The following ULK4 variants were observed in gnomAD, a reference collection of about 807,000 sequenced individuals.
ULK4 encodes inactive serine/threonine-protein kinase ULK4.
Under a neutral mutation model 160.6 loss-of-function variants are expected in ULK4, and 133 were observed. The observed-to-expected ratio is 0.83, with a 90% CI of 0.72 to 0.96. The LOEUF (loss-of-function observed/expected upper bound fraction) is 0.96, where lower values mean the gene tolerates loss of function less well. Ranked by LOEUF, ULK4 falls within the 40% of genes least tolerant of loss-of-function variation. ULK4 has a pLI of 0.00. For missense variants in ULK4, 1,580 were observed against 1,499.5 expected (o/e 1.05, Z -0.89); for synonymous variants, 534 against 539.8 (o/e 0.99, Z 0.15).
Position 41,915,879 on chromosome 3 carries a change from G to A in ULK4, c.803+98C>T, listed in dbSNP as rs1339513885. The A allele has an allele frequency of 2.0e-5, 16 of 803,118 alleles. No homozygotes were observed. In the East Asian group the frequency reaches 4.4e-4, roughly 22 times the overall value. 49.7% of individuals were successfully genotyped at this position (803,118 alleles called of 1,614,324 possible). ...CCATTTTAGAAGTACATAAAAGGGG[G>A]AAAAGATTTCATTATTTATTCCCAT... On this transcript the variant is annotated intron_variant, in intron 8 of 36. Transcript: ENST00000301831.
intron 30 of ULK4, among the ~76,000 whole-genome samples, chr3:41,657,232 A>C (rs1161523118): frequency 6.6e-6 from 1 of 152,214 alleles, no homozygotes; most frequent in Admixed American, 6.5e-5. Context: ...AATATGACTA[A>C]GTTTTGAGGG....
chr3:41,628,766 C>T (rs1472447695), intron 30 of ULK4, among the ~76,000 whole-genome samples: 2 of 152,098 alleles, frequency 1.3e-5, no homozygotes, highest in Admixed American at 1.3e-4. Context: ...TAACTGATAA[C>T]CGTTCTATGG....
Position 41,332,456 on chromosome 3 carries a change from T to C in ULK4, c.3678+65623A>G, listed in dbSNP as rs538003980. 5.9e-5 allele frequency among the ~76,000 whole-genome samples: 9 copies of C among 152,312 alleles called. No individual in the cohort carries two copies. The East Asian group carries it at 1.7e-3, about 29-fold the overall frequency. ...TATTTTCAGCTTCCCACCTTCCCAATGGCAGTCTTGATGGGAAGCTAGAAA... is the reference window on the plus strand; with the variant it reads ...TATTTTCAGCTTCCCACCTTCCCAACGGCAGTCTTGATGGGAAGCTAGAAA... On this transcript the variant is annotated intron_variant, in intron 35 of 36. Coordinates refer to ENST00000301831, the MANE Select transcript of ULK4 (RefSeq NM_017886.4).
chr3:41,876,040 T>C (rs908266080), intron 17 of ULK4, among the ~76,000 whole-genome samples: 1 of 150,118 alleles, frequency 6.7e-6, no homozygotes, highest in Non-Finnish European at 1.5e-5. Context: ...AGGAAATGTG[T>C]GGACTAGAGG....
chr3:41,493,886 T>C (rs1018604647), intron 32 of ULK4, among the ~76,000 whole-genome samples: 55 of 147,840 alleles, frequency 3.7e-4, no homozygotes, highest in Admixed American at 3.3e-3. Context: ...CAGGAAGAAG[T>C]TGAATCTCTG....
intron 31 of ULK4, among the ~76,000 whole-genome samples, chr3:41,602,191 C>T (rs2032110318): frequency 6.8e-6 from 1 of 146,060 alleles, no homozygotes; most frequent in Admixed American, 7.1e-5. Context: ...AAGACTCTGT[C>T]TGTAAGAAAG....
At chr3:41,895,076 C>T (rs1179815875) in intron 16 of ULK4, among the ~76,000 whole-genome samples, 2 of 152,104 alleles carry the variant, frequency 1.3e-5, no homozygotes, top group African/African-American at 4.8e-5. Flanking sequence ...AATTAATACA[C>T]AGGGATCAGG....
chr3:41,352,788 C>T (rs12635573), intron 35 of ULK4, among the ~76,000 whole-genome samples: 5,976 of 152,218 alleles, frequency 0.039, 312 homozygotes, highest in East Asian at 0.19. Flanking sequence ...CAGGAGAGTG[C>T]GTGGCTTGCA....
At chr3:41,363,926 C>CTTT in intron 35 of ULK4, among the ~76,000 whole-genome samples, 1 of 133,958 alleles carries the variant, frequency 7.5e-6, no homozygotes, top group East Asian at 2.0e-4. Context: ...CATCCAAATT[C>CTTT]TCTCTCTTTT....
chr3:41,819,631 T>G, intron 18 of ULK4, 125 bp from the exon 19 acceptor site: 1 of 711,614 alleles, frequency 1.4e-6, no homozygotes, highest in South Asian at 2.2e-5. Context: ...ATTTAAAGTA[T>G]TACTTACTAT....
chr3:41,715,707 G>A, intron 23 of ULK4, 139 bp from the exon 24 acceptor site: 3 of 1,115,108 alleles, frequency 2.7e-6, no homozygotes, highest in African/African-American at 3.2e-5. Flanking sequence ...TTATTCACAA[G>A]TACTGAAATT....
chr3:41,623,446 C>G (rs549548251), intron 30 of ULK4, among the ~76,000 whole-genome samples: 1 of 152,038 alleles, frequency 6.6e-6, no homozygotes, highest in Non-Finnish European at 1.5e-5. Flanking sequence ...CCATAATAGA[C>G]AAGATACGGA....
chr3:41,439,110 CAGA>C (rs775424455), intron 34 of ULK4, among the ~76,000 whole-genome samples: 3 of 152,026 alleles, frequency 2.0e-5, no homozygotes, highest in African/African-American at 2.4e-5. Flanking sequence ...CAAAAGGAGA[CAGA>C]AGAAGCTTTT....
intron 34 of ULK4, among the ~76,000 whole-genome samples, chr3:41,439,842 C>G (rs2083123158): frequency 1.3e-5 from 2 of 152,138 alleles, no homozygotes; most frequent in South Asian, 2.1e-4. Context: ...CAATATTGAG[C>G]CTTCCCGCTC....
intron 17 of ULK4, chr3:41,882,404 G>A (rs1372034360): frequency 1.1e-5 from 7 of 646,830 alleles, no homozygotes; most frequent in Non-Finnish European, 1.7e-5. Context: ...TCTATAAGTT[G>A]ATCATCTCAA....
At chr3:41,283,758 C>T (rs1343665976) in intron 35 of ULK4, among the ~76,000 whole-genome samples, 1 of 151,750 alleles carries the variant, frequency 6.6e-6, no homozygotes, top group Non-Finnish European at 1.5e-5. Flanking sequence ...CAAACCTGCA[C>T]GTTTTGCACA....
At chr3:41,880,125 A>AATAAATAAGTAAGT (rs1697461501) in intron 17 of ULK4, among the ~76,000 whole-genome samples, 1 of 152,196 alleles carries the variant, frequency 6.6e-6, no homozygotes, top group Non-Finnish European at 1.5e-5. Context: ...GTCACAAAAA[A>AATAAATAAGTAAGT]AATTCCTTTC....
chr3:41,503,802 C>A (rs567998181), intron 32 of ULK4, among the ~76,000 whole-genome samples: 5 of 152,226 alleles, frequency 3.3e-5, no homozygotes, highest in African/African-American at 1.2e-4. Flanking sequence ...ATACTCTCTC[C>A]TTCTGAAAAA....
chr3:41,583,227 A>C (rs116381315), intron 31 of ULK4, among the ~76,000 whole-genome samples: 1 of 152,344 alleles, frequency 6.6e-6, no homozygotes, highest in East Asian at 1.9e-4. Flanking sequence ...TGATGGAAAT[A>C]GTAAGAAAAT....
Sources: gnomAD v4.1 joint callset for allele counts (sites outside exome capture counted in the v4.1 genomes callset) on GRCh38, gnomAD v4.1.1 for gene constraint, MANE v1.5 for transcripts, NCBI Gene and HGNC (gene_info 2026-07-23, HGNC 2026-07-21) for gene names.